DPP10: variants seen among roughly 807,000 people sequenced by gnomAD.
DPP10 encodes inactive dipeptidyl peptidase 10.
Under a neutral mutation model 120.9 loss-of-function variants are expected in DPP10, and 33 were observed. That is an observed-to-expected ratio of 0.27 (90% CI 0.21 to 0.37). DPP10 has a LOEUF of 0.37. DPP10 is among the 10% of genes least tolerant of loss of function. The pLI, the probability that DPP10 is intolerant of heterozygous loss-of-function variation, is 1.00. For missense variants in DPP10, 816 were observed against 942.8 expected, an observed-to-expected ratio of 0.87 and a Z score of 1.76; for synonymous variants, 337 against 326.1, an observed-to-expected ratio of 1.03 and a Z score of -0.36.
intron 1 of DPP10, among the ~76,000 whole-genome samples, chr2:114,640,360 AC>A (rs763073778): frequency 1.7e-4 from 26 of 151,888 alleles, no homozygotes; most frequent in Non-Finnish European, 2.1e-4. Flanking sequence ...CCTTATTCTA[AC>A]AGCTTATCTT....
intron 1 of DPP10, among the ~76,000 whole-genome samples, chr2:115,009,287 G>C (rs1182166317): frequency 6.6e-6 from 1 of 151,920 alleles, no homozygotes; most frequent in Non-Finnish European, 1.5e-5. Context: ...TAGGGACATG[G>C]ATGAAATTGG....
rs953363741 is a variant in DPP10 at position 115,718,681 on chromosome 2, T to C, written c.577-9135T>C. On this transcript the variant is annotated intron_variant, in intron 7 of 25. Transcript: ENST00000410059. ...TGTATTAATTTGTGTATGGTTTTAA[T>C]GAAAAGTCACATTATAAAATAAGAT... Among the ~76,000 whole-genome samples, 4 of 152,306 alleles carry C rather than the reference T, an allele frequency of 2.6e-5. No individual in the cohort carries two copies. In the East Asian group the frequency reaches 7.7e-4, roughly 29 times the overall value.
chr2:114,611,686 C>T (rs1693299308), intron 1 of DPP10, among the ~76,000 whole-genome samples: 1 of 152,120 alleles, frequency 6.6e-6, no homozygotes, highest in Non-Finnish European at 1.5e-5. Context: ...CTTTATTTCC[C>T]TGTTATTGGA....
chr2:115,536,175 A>C (rs1275871445), intron 5 of DPP10, among the ~76,000 whole-genome samples: 4 of 152,068 alleles, frequency 2.6e-5, no homozygotes, highest in Non-Finnish European at 5.9e-5. Context: ...AGAGAAAACC[A>C]CTGTTAATGT....
intron 5 of DPP10, among the ~76,000 whole-genome samples, chr2:115,591,363 G>T (rs901886282): frequency 5.3e-5 from 8 of 152,194 alleles, no homozygotes; most frequent in African/African-American, 7.2e-5. Flanking sequence ...AGTTTCAGCT[G>T]TCTACATATG....
chr2:114,523,106 G>A (rs529883964), intron 1 of DPP10, among the ~76,000 whole-genome samples: 5 of 152,294 alleles, frequency 3.3e-5, no homozygotes, highest in African/African-American at 1.2e-4. Flanking sequence ...GCTCCTTAGA[G>A]GAAGGATGTG....
At position 115,309,330 on chromosome 2, in the gene DPP10, T is replaced by A; in HGVS notation, c.152T>A (p.Met51Lys). ...VILVVCSLIT[M>K]SVILLTPDEL... Reference sequence around the variant, plus strand: ...TTAGTTGTATGCTCACTCATCACTATGTCAGTCATCCTCTTAACCCCAGGT... The same window carrying A: ...TTAGTTGTATGCTCACTCATCACTAAGTCAGTCATCCTCTTAACCCCAGGT... The change falls in exon 2 of 26, where the codon ATG (methionine) becomes AAG (lysine). Residue 51 changes from methionine (M) to lysine (K), a missense_variant. This residue lies in a region of DPP10 where 182 missense variants were observed against 207.4 expected (regional missense o/e 0.88). Transcript: ENST00000410059. 6.2e-7 allele frequency: 1 copy of A among 1,613,532 alleles called. No individual in the cohort carries two copies. The highest frequency in any genetic ancestry group is 8.5e-7 in the Non-Finnish European group (1 of 1,179,572).
chr2:115,115,350 A>G, intron 1 of DPP10, among the ~76,000 whole-genome samples: 1 of 152,298 alleles, frequency 6.6e-6, no homozygotes, highest in South Asian at 2.1e-4. Context: ...CATTGCTAGC[A>G]TAACAATAAG....
intron 1 of DPP10, among the ~76,000 whole-genome samples, chr2:115,285,898 C>T (rs35672000): frequency 0.037 from 5,560 of 152,022 alleles, 216 homozygotes; most frequent in East Asian, 0.2. Flanking sequence ...AGCATTTTCT[C>T]TATCTGTTGT....
intron 1 of DPP10, among the ~76,000 whole-genome samples, chr2:115,086,564 C>G (rs531520223): frequency 1.3e-5 from 2 of 151,550 alleles, no homozygotes; most frequent in East Asian, 3.9e-4. Flanking sequence ...TCACACCATT[C>G]TCCTGCCTCA....
chr2:114,598,925 C>T (rs986585594), intron 1 of DPP10, among the ~76,000 whole-genome samples: 3 of 151,672 alleles, frequency 2.0e-5, no homozygotes, highest in South Asian at 4.2e-4. Context: ...CCTGACTTCT[C>T]GAAATCTTAG....
chr2:115,342,891 C>A (rs2063519841), intron 2 of DPP10, among the ~76,000 whole-genome samples: 1 of 152,086 alleles, frequency 6.6e-6, no homozygotes, highest in African/African-American at 2.4e-5. Flanking sequence ...CTCTTTGCCC[C>A]AGCCTTTTCA....
intron 1 of DPP10, among the ~76,000 whole-genome samples, chr2:114,984,339 C>T (rs986426853): frequency 6.6e-6 from 1 of 151,990 alleles, no homozygotes. Context: ...GGGGCAAATT[C>T]GCGACTGCCG....
rs1686858769 is a variant in DPP10, at chr2:114,540,365, GTGAT to G, written c.60+97530_60+97533del. Among the ~76,000 whole-genome samples the G allele has an allele frequency of 2.0e-5, 3 of 152,296 alleles. No homozygotes were observed. In the South Asian group the frequency reaches 6.2e-4, roughly 32 times the overall value. ...CTAGTCAGATCTCAACAGAAGAAAA[GTGAT>G]TGGAAGCCTGATATACCTATTTTAA... On this transcript the variant is annotated intron_variant, in intron 1 of 25. Transcript: ENST00000410059.
intron 16 of DPP10, among the ~76,000 whole-genome samples, chr2:115,782,016 T>C (rs1252705532): frequency 6.6e-6 from 1 of 151,974 alleles, no homozygotes; most frequent in African/African-American, 2.4e-5. Context: ...GAAAGGGTTG[T>C]GAATCAGCTT....
intron 5 of DPP10, among the ~76,000 whole-genome samples, chr2:115,582,525 A>C (rs1444538881): frequency 3.3e-5 from 5 of 152,170 alleles, no homozygotes; most frequent in Non-Finnish European, 5.9e-5. Flanking sequence ...ACCGTCTGCT[A>C]ATGGTCACCT....
At chr2:114,917,978 G>T (rs1694926952) in intron 1 of DPP10, among the ~76,000 whole-genome samples, 1 of 152,140 alleles carries the variant, frequency 6.6e-6, no homozygotes, top group Non-Finnish European at 1.5e-5. Flanking sequence ...AAACTAAAGA[G>T]CTTCTGCACA....
intron 1 of DPP10, among the ~76,000 whole-genome samples, chr2:114,938,610 A>G (rs187208536): frequency 6.6e-6 from 1 of 152,142 alleles, no homozygotes; most frequent in East Asian, 1.9e-4. Context: ...TAATTGGCTA[A>G]TTTTCCAAGT....
At chr2:115,739,690 T>A in intron 8 of DPP10, 49 bp from the exon 9 acceptor site, 2 of 1,583,252 alleles carry the variant, frequency 1.3e-6, no homozygotes, top group Non-Finnish European at 1.7e-6. Flanking sequence ...TGTGGGTCAC[T>A]GAGCCCACAT....
Sources: allele counts gnomAD v4.1 joint callset (sites outside exome capture counted in the v4.1 genomes callset), GRCh38; gene constraint gnomAD v4.1.1; regional missense constraint gnomAD v4.1.1; transcripts MANE v1.5; gene names NCBI Gene and HGNC (gene_info 2026-07-23, HGNC 2026-07-21).